HELZ: variants seen among roughly 807,000 people sequenced by gnomAD.
HELZ encodes the protein ATP-dependent RNA helicase with zinc finger domain.
HELZ carries 23 observed loss-of-function variants against 218.2 expected under a neutral mutation model. That is an observed-to-expected ratio of 0.11 (90% CI 0.08 to 0.15). HELZ has a LOEUF of 0.15. Among genes scored for constraint, HELZ ranks in the 10% least tolerant of loss-of-function variants. HELZ has a pLI of 1.00. For synonymous variants in HELZ, 814 were observed against 829.4 expected (o/e 0.98, Z 0.32); for missense variants, 1,813 against 2,353.7 (o/e 0.77, Z 4.75).
intron 3 of HELZ, among the ~76,000 whole-genome samples, chr17:67,221,572 A>G (rs1262588808): frequency 6.6e-6 from 1 of 152,234 alleles, no homozygotes; most frequent in Non-Finnish European, 1.5e-5. Context: ...GGGAACCAGA[A>G]TTCACCAGCT....
intron 22 of HELZ, among the ~76,000 whole-genome samples, chr17:67,136,519 C>T (rs979216357): frequency 5.3e-5 from 8 of 152,096 alleles, no homozygotes; most frequent in Non-Finnish European, 5.9e-5. Flanking sequence ...CAGCATTATT[C>T]ACAATAGCCA....
intron 24 of HELZ, among the ~76,000 whole-genome samples, chr17:67,125,541 C>A (rs867146734): frequency 2.2e-4 from 34 of 151,432 alleles, no homozygotes; most frequent in African/African-American, 7.8e-4. Flanking sequence ...AAAACGGTGA[C>A]AAACCATTTA....
rs968599459 is a variant in HELZ at position 67,071,075 on chromosome 17, A to G, written c.*7177T>C. On this transcript the variant is annotated 3_prime_UTR_variant, in exon 33 of 33. Transcript: ENST00000358691. ...AATTTAGAAGAGAAGTATTTTAATC[A>G]CCATATTTACCTAGGATACAACTAC... is the stretch of plus-strand genomic sequence containing the variant. 6.6e-6 allele frequency: 1 copy of G among 152,320 alleles called. No homozygotes were observed. Among genetic ancestry groups the G allele is most frequent in the African/African-American group, 2.4e-5 (1 of 41,460 alleles). The allele number at this position is 152,320 out of a possible 1,614,324, so 9.4% of individuals were successfully genotyped here.
intron 32 of HELZ, 24 bp downstream of exon 32, chr17:67,086,805 T>A: frequency 6.2e-7 from 1 of 1,611,678 alleles, no homozygotes; most frequent in Middle Eastern, 1.7e-4. Context: ...TACAGATTAG[T>A]TTTAGCCACC....
intron 21 of HELZ, 114 bp from the exon 22 acceptor site, chr17:67,138,228 A>AG: frequency 1.3e-6 from 1 of 763,210 alleles, no homozygotes; most frequent in Non-Finnish European, 1.9e-6. Context: ...TGTCATTTAA[A>AG]AAAAAAAAAA....
chr17:67,174,779 A>C (rs2039408251), intron 13 of HELZ, among the ~76,000 whole-genome samples: 1 of 152,186 alleles, frequency 6.6e-6, no homozygotes, highest in Non-Finnish European at 1.5e-5. Flanking sequence ...CCTGGGCAAC[A>C]AGAACGAAAC....
chr17:67,123,154 G>A lies in HELZ; in HGVS notation c.3446C>T (p.Pro1149Leu). The A allele has an allele frequency of 6.2e-7, 1 of 1,605,302 alleles. No individual in the cohort carries two copies. ...ATTGCCAATAAGTACAGAAGGATTG[G>A]GCTGAACTGAAAAATAAACAGAAAA... is the stretch of plus-strand genomic sequence containing the variant. The part of the protein sequence containing the change: ...DHFQNDGIVQ[P>L]NPSVLIGNPI... Residue 1149 changes from proline (P) to leucine (L), a missense_variant, in exon 26 of 33, where the codon CCC becomes CTC. Pro to Leu is a moderately conservative substitution (Grantham distance 98, BLOSUM62 -3). Coordinates refer to ENST00000358691, the MANE Select transcript of HELZ (RefSeq NM_014877.4).
At chr17:67,203,921 C>G (rs1033789622) in intron 5 of HELZ, among the ~76,000 whole-genome samples, 1 of 152,098 alleles carries the variant, frequency 6.6e-6, no homozygotes, top group South Asian at 2.1e-4. Context: ...ATCCAATTGC[C>G]CAGTGGCCAC....
chr17:67,217,938 T>C (rs1429227638), intron 4 of HELZ, among the ~76,000 whole-genome samples: 1 of 151,592 alleles, frequency 6.6e-6, no homozygotes, highest in Non-Finnish European at 1.5e-5. Context: ...TTGTTTTTTT[T>C]TTTTTTAAGA....
intron 32 of HELZ, among the ~76,000 whole-genome samples, chr17:67,079,258 T>C (rs748947037): frequency 9.2e-5 from 14 of 152,248 alleles, no homozygotes; most frequent in Non-Finnish European, 1.6e-4. Context: ...TACTGGATTA[T>C]AAACATAATA....
chr17:67,161,467 T>C (rs1180719572), intron 15 of HELZ, among the ~76,000 whole-genome samples: 1 of 152,226 alleles, frequency 6.6e-6, no homozygotes, highest in Admixed American at 6.5e-5. Context: ...TAGTAGGTTT[T>C]TTTGCATAAC....
At chr17:67,181,316 C>T (rs190263615) in intron 12 of HELZ, among the ~76,000 whole-genome samples, 31 of 152,174 alleles carry the variant, frequency 2.0e-4, no homozygotes, top group African/African-American at 7.0e-4. Context: ...CAGAGCTTTC[C>T]CTGGAAAATG....
chr17:67,201,214 C>A (rs1465198683), intron 6 of HELZ, 29 bp from the exon 7 acceptor site: 3 of 1,465,452 alleles, frequency 2.0e-6, no homozygotes, highest in Non-Finnish European at 2.9e-6. Flanking sequence ...AAGAGAAGAA[C>A]CAATTAGTAT....
chr17:67,153,211 T>C (rs1312746131), intron 17 of HELZ, among the ~76,000 whole-genome samples: 5 of 152,022 alleles, frequency 3.3e-5, no homozygotes, highest in Non-Finnish European at 7.4e-5. Flanking sequence ...CAAGACACAA[T>C]AGTATATTTT....
At chr17:67,190,618 C>G (rs980416840) in intron 9 of HELZ, among the ~76,000 whole-genome samples, 2 of 152,164 alleles carry the variant, frequency 1.3e-5, no homozygotes, top group African/African-American at 4.8e-5. Flanking sequence ...TCACGTCGGC[C>G]CTCCAAAAGA....
intron 32 of HELZ, among the ~76,000 whole-genome samples, chr17:67,085,569 T>C: frequency 6.6e-6 from 1 of 152,308 alleles, no homozygotes. Context: ...TTTTTAATTT[T>C]TTTTACCATG....
At chr17:67,160,812 C>A in intron 16 of HELZ, 85 bp downstream of exon 16, 1 of 979,444 alleles carries the variant, frequency 1.0e-6, no homozygotes. Context: ...TGAAAACTGT[C>A]TTGCTAGCCC....
intron 3 of HELZ, among the ~76,000 whole-genome samples, chr17:67,234,449 G>A (rs1250944721): frequency 1.3e-5 from 2 of 151,638 alleles, no homozygotes; most frequent in Non-Finnish European, 2.9e-5. Flanking sequence ...CTCAATTCAG[G>A]TTCTCATCGC....
intron 31 of HELZ, among the ~76,000 whole-genome samples, chr17:67,103,194 G>A (rs1345910771): frequency 6.6e-6 from 1 of 152,096 alleles, no homozygotes; most frequent in Non-Finnish European, 1.5e-5. Flanking sequence ...GGCAAAAGCT[G>A]TCATAATCCA....
Sources: allele counts gnomAD v4.1 joint callset (sites outside exome capture counted in the v4.1 genomes callset), GRCh38; gene constraint gnomAD v4.1.1; transcripts MANE v1.5; gene names NCBI Gene and HGNC (gene_info 2026-07-23, HGNC 2026-07-21).